The following TSPAN14 variants were observed in gnomAD, a reference collection of about 807,000 sequenced individuals.
TSPAN14 encodes the protein tetraspanin-14.
Under a neutral mutation model 36.6 loss-of-function variants are expected in TSPAN14, and 16 were observed. That is an observed-to-expected ratio of 0.44 (90% CI 0.30 to 0.66). TSPAN14 has a LOEUF of 0.66. TSPAN14 is among the 30% of genes least tolerant of loss of function. The probability of loss-of-function intolerance (pLI) is 0.12; values close to 1 mark genes in which losing one functional copy is unlikely to be tolerated. For synonymous variants in TSPAN14, 139 were observed against 143.8 expected (o/e 0.97, Z 0.24); for missense variants, 231 against 355.1 (o/e 0.65, Z 2.81).
chr10:80,454,866 G>A (rs1845663051), intron 1 of TSPAN14, among the ~76,000 whole-genome samples: 1 of 152,134 alleles, frequency 6.6e-6, no homozygotes, highest in Non-Finnish European at 1.5e-5. Flanking sequence ...GGCGTAGGCC[G>A]GGGCGGGCCG....
At chr10:80,508,987 G>C (rs1589296681) in intron 4 of TSPAN14, among the ~76,000 whole-genome samples, 1 of 152,212 alleles carries the variant, frequency 6.6e-6, no homozygotes, top group Non-Finnish European at 1.5e-5. Flanking sequence ...CCTTGTCCAG[G>C]GAGGAGGGCT....
intron 1 of TSPAN14, among the ~76,000 whole-genome samples, chr10:80,474,871 A>G (rs1846768336): frequency 6.6e-6 from 1 of 152,034 alleles, no homozygotes; most frequent in South Asian, 2.1e-4. Context: ...CCTTATTAGT[A>G]TATAAAAAAT....
At chr10:80,463,599 C>G (rs1846091065) in intron 1 of TSPAN14, among the ~76,000 whole-genome samples, 1 of 152,194 alleles carries the variant, frequency 6.6e-6, no homozygotes, top group Non-Finnish European at 1.5e-5. Context: ...GTGCATGATT[C>G]TGCTGCACAG....
rs537887334 is a variant in TSPAN14, at chr10:80,517,731, G to A, written c.742-174G>A. ...CTAGACCCCAGGACCCCTTTTTTGCGGGAGGGGTGGCTGTGCTGTGCCACT... is the reference window on the plus strand; with the variant it reads ...CTAGACCCCAGGACCCCTTTTTTGCAGGAGGGGTGGCTGTGCTGTGCCACT... On this transcript the variant is annotated intron_variant, in intron 8 of 8. Transcript: ENST00000429989. Among the ~76,000 whole-genome samples the A allele has an allele frequency of 7.9e-5, 12 of 152,030 alleles. No homozygotes were observed. The East Asian group carries it at 9.7e-4, about 12-fold the overall frequency.
chr10:80,469,800 G>T (rs1220225279), intron 1 of TSPAN14, among the ~76,000 whole-genome samples: 1 of 152,054 alleles, frequency 6.6e-6, no homozygotes. Context: ...TTTTCCCCCA[G>T]GCTGGGGGAG....
intron 3 of TSPAN14, among the ~76,000 whole-genome samples, chr10:80,504,986 T>A (rs1396650223): frequency 2.6e-5 from 4 of 152,210 alleles, no homozygotes; most frequent in Non-Finnish European, 4.4e-5. Flanking sequence ...CTGGGCTGGT[T>A]GGGTTTTGAG....
At chr10:80,484,838 A>G (rs1847501957) in intron 1 of TSPAN14, among the ~76,000 whole-genome samples, 1 of 152,166 alleles carries the variant, frequency 6.6e-6, no homozygotes, top group Admixed American at 6.5e-5. Flanking sequence ...AATGGACTTG[A>G]AAACCCTGTT....
At chr10:80,457,994 C>A (rs771616108) in intron 1 of TSPAN14, among the ~76,000 whole-genome samples, 4 of 152,164 alleles carry the variant, frequency 2.6e-5, no homozygotes, top group Non-Finnish European at 4.4e-5. Context: ...GCCACTGAGT[C>A]CTGGTGGCCT....
At chr10:80,461,974 C>T (rs1467514197) in intron 1 of TSPAN14, among the ~76,000 whole-genome samples, 1 of 151,716 alleles carries the variant, frequency 6.6e-6, no homozygotes, top group Non-Finnish European at 1.5e-5. Context: ...AGTGCAGTGG[C>T]CCTATCACAG....
chr10:80,482,892 C>T (rs1372990167), intron 1 of TSPAN14, among the ~76,000 whole-genome samples: 4 of 151,680 alleles, frequency 2.6e-5, no homozygotes, highest in African/African-American at 4.8e-5. Context: ...TGAGCCACCA[C>T]GCCTGGCTAA....
intron 5 of TSPAN14, among the ~76,000 whole-genome samples, chr10:80,510,907 A>G (rs182073255): frequency 6.6e-6 from 1 of 152,214 alleles, no homozygotes; most frequent in Non-Finnish European, 1.5e-5. Flanking sequence ...TTAAAACAAA[A>G]CAAAACAAAA....
chr10:80,511,992 C>T, intron 5 of TSPAN14, 152 bp from the exon 6 acceptor site: 6 of 1,236,088 alleles, frequency 4.9e-6, no homozygotes, highest in Non-Finnish European at 6.8e-6. Flanking sequence ...AGCTTAGCAT[C>T]TCTGCACATG....
intron 6 of TSPAN14, among the ~76,000 whole-genome samples, chr10:80,512,880 G>A (rs1589303786): frequency 6.6e-5 from 1 of 15,252 alleles, no homozygotes; most frequent in East Asian, 7.5e-3. Flanking sequence ...GTTTGTTGTT[G>A]TTGTTGTTGT....
At chr10:80,465,552 C>T (rs1019685819) in intron 1 of TSPAN14, among the ~76,000 whole-genome samples, 4 of 152,236 alleles carry the variant, frequency 2.6e-5, no homozygotes, top group Admixed American at 1.3e-4. Flanking sequence ...GGCTGTACCC[C>T]TATCTCCCAG....
intron 5 of TSPAN14, 29 bp from the exon 6 acceptor site, chr10:80,512,115 C>G: frequency 2.5e-6 from 4 of 1,613,916 alleles, no homozygotes; most frequent in South Asian, 1.1e-5. Flanking sequence ...TCTTGGAGCC[C>G]CTAACAGTTC....
intron 1 of TSPAN14, among the ~76,000 whole-genome samples, chr10:80,478,389 C>T (rs1461550641): frequency 6.6e-6 from 1 of 152,162 alleles, no homozygotes; most frequent in Non-Finnish European, 1.5e-5. Context: ...CTTCCCACAT[C>T]AATTGATAGG....
At chr10:80,507,465 G>C in intron 4 of TSPAN14, 91 bp downstream of exon 4, 1 of 1,559,700 alleles carries the variant, frequency 6.4e-7, no homozygotes, top group South Asian at 1.2e-5. Context: ...CAGAGCAGGT[G>C]GCAGCTCTTA....
intron 1 of TSPAN14, among the ~76,000 whole-genome samples, chr10:80,477,131 G>T (rs1217284167): frequency 6.6e-6 from 1 of 152,222 alleles, no homozygotes; most frequent in Non-Finnish European, 1.5e-5. Context: ...TCCTGCTGCT[G>T]CTTCTCTGCC....
Position 80,487,170 on chromosome 10 carries a change from A to G in TSPAN14, c.-17-2047A>G, listed in dbSNP as rs572895041. Reference sequence around the variant, plus strand: ...ACCGTTAGGTTAGTTGCCTACACGGAGCCCCTCTCTGCGAATCCGTGTGCT... The same window carrying G: ...ACCGTTAGGTTAGTTGCCTACACGGGGCCCCTCTCTGCGAATCCGTGTGCT... On this transcript the variant is annotated intron_variant, in intron 1 of 8. Coordinates refer to ENST00000429989, the Ensembl canonical transcript of TSPAN14. Among the ~76,000 whole-genome samples, 13 of 152,320 alleles carry G rather than the reference A, an allele frequency of 8.5e-5. No individual in the cohort carries two copies. In the East Asian group the frequency reaches 1.5e-3, roughly 18 times the overall value.
Sources: gnomAD v4.1 joint callset for allele counts (sites outside exome capture counted in the v4.1 genomes callset) on GRCh38, gnomAD v4.1.1 for gene constraint, MANE v1.5 for transcripts, NCBI Gene and HGNC (gene_info 2026-07-23, HGNC 2026-07-21) for gene names.